Variants in ZFHX3 observed in about 807,000 individuals in gnomAD.
ZFHX3 encodes zinc finger homeobox protein 3.
ZFHX3 carries 42 observed loss-of-function variants against 279.1 expected under a neutral mutation model. The ratio of observed to expected loss-of-function variants is 0.15; its 90% confidence interval spans 0.12 to 0.19. The LOEUF (loss-of-function observed/expected upper bound fraction) is 0.19. Ranked by LOEUF, ZFHX3 falls within the 10% of genes least tolerant of loss-of-function variation. The probability of loss-of-function intolerance (pLI) is 1.00; values close to 1 mark genes in which losing one functional copy is unlikely to be tolerated. For synonymous variants in ZFHX3, 2,293 were observed against 1,957.8 expected, an observed-to-expected ratio of 1.17 and a Z score of -4.52; for missense variants, 4,981 against 4,754.0, an observed-to-expected ratio of 1.05 and a Z score of -1.40.
chr16:73,171,303 T>C (rs898812670), intron 5 of ZFHX3, among the ~76,000 whole-genome samples: 1 of 152,124 alleles, frequency 6.6e-6, no homozygotes, highest in African/African-American at 2.4e-5. Flanking sequence ...ACTGGGCTGT[T>C]CCGGGGAAAT....
At chr16:72,855,545 A>G (rs1305466535) in intron 4 of ZFHX3, among the ~76,000 whole-genome samples, 1 of 152,280 alleles carries the variant, frequency 6.6e-6, no homozygotes, top group East Asian at 1.9e-4. Flanking sequence ...AAACGGATTC[A>G]TTCTCAGTAT....
chr16:73,494,286 G>C (rs2019100647), intron 2 of ZFHX3, among the ~76,000 whole-genome samples: 1 of 152,160 alleles, frequency 6.6e-6, no homozygotes, highest in Non-Finnish European at 1.5e-5. Flanking sequence ...AATGGCTGCA[G>C]GAAAGAGGGG....
intron 5 of ZFHX3, among the ~76,000 whole-genome samples, chr16:73,214,222 G>A (rs2012117702): frequency 6.6e-6 from 1 of 152,118 alleles, no homozygotes; most frequent in Admixed American, 6.6e-5. Context: ...AAGAGTCAAA[G>A]TCGGGATGAA....
At chr16:73,623,662 A>AT (rs1334543817) in intron 2 of ZFHX3, among the ~76,000 whole-genome samples, 2 of 152,134 alleles carry the variant, frequency 1.3e-5, no homozygotes, top group Non-Finnish European at 2.9e-5. Context: ...ATCGTGAAAT[A>AT]TTTTTTTAAA....
chr16:73,516,812 C>G (rs776052696), intron 2 of ZFHX3, among the ~76,000 whole-genome samples: 1 of 152,176 alleles, frequency 6.6e-6, no homozygotes, highest in Non-Finnish European at 1.5e-5. Context: ...AGAGTATGTG[C>G]TGAATAGTTT....
chr16:72,889,059 G>A (rs2038701475), intron 4 of ZFHX3, among the ~76,000 whole-genome samples: 1 of 150,810 alleles, frequency 6.6e-6, no homozygotes, highest in Non-Finnish European at 1.5e-5. Flanking sequence ...AGTCATGGGT[G>A]GAGGGAGGGA....
At chr16:73,746,639 T>A (rs1322003731) in intron 1 of ZFHX3, among the ~76,000 whole-genome samples, 1 of 152,186 alleles carries the variant, frequency 6.6e-6, no homozygotes, top group African/African-American at 2.4e-5. Flanking sequence ...TCTTAAAATA[T>A]CAAAACAATG....
intron 6 of ZFHX3, among the ~76,000 whole-genome samples, chr16:73,142,304 A>G (rs1429556737): frequency 6.6e-6 from 1 of 152,222 alleles, no homozygotes; most frequent in Non-Finnish European, 1.5e-5. Context: ...CCTCTGAGCC[A>G]TCAGCACTGG....
chr16:72,843,368 G>A (rs1341601399), intron 4 of ZFHX3, among the ~76,000 whole-genome samples: 8 of 151,964 alleles, frequency 5.3e-5, no homozygotes, highest in South Asian at 2.1e-4. Flanking sequence ...AAAATTAGCC[G>A]GGCGTGGTGG....
intron 7 of ZFHX3, among the ~76,000 whole-genome samples, chr16:73,119,823 C>T (rs954202958): frequency 3.3e-5 from 5 of 152,170 alleles, no homozygotes; most frequent in African/African-American, 9.7e-5. Flanking sequence ...GGACTACAGG[C>T]GTGCAACACC....
intron 1 of ZFHX3, among the ~76,000 whole-genome samples, chr16:73,759,224 C>G (rs1207550537): frequency 3.3e-5 from 5 of 152,306 alleles, no homozygotes; most frequent in African/African-American, 1.2e-4. Flanking sequence ...ATCCTTCTCT[C>G]TTGATGCTTT....
At chr16:73,677,749 G>T (rs1409463120) in intron 2 of ZFHX3, among the ~76,000 whole-genome samples, 1 of 151,884 alleles carries the variant, frequency 6.6e-6, no homozygotes, top group Non-Finnish European at 1.5e-5. Context: ...AATTAATCTT[G>T]AAAGAAAATT....
chr16:73,705,343 G>T (rs969372064), intron 1 of ZFHX3, among the ~76,000 whole-genome samples: 1 of 152,118 alleles, frequency 6.6e-6, no homozygotes, highest in Non-Finnish European at 1.5e-5. Context: ...CAATGCGGGG[G>T]TTCAATCCCT....
chr16:73,492,469 C>T (rs1048862953), intron 2 of ZFHX3, among the ~76,000 whole-genome samples: 2 of 152,224 alleles, frequency 1.3e-5, no homozygotes, highest in East Asian at 3.9e-4. Flanking sequence ...CCTGATCCAA[C>T]TTCCACATTG....
At chr16:73,633,802 G>T (rs944711074) in intron 2 of ZFHX3, among the ~76,000 whole-genome samples, 2 of 152,018 alleles carry the variant, frequency 1.3e-5, no homozygotes, top group Non-Finnish European at 2.9e-5. Context: ...GGAGGCTGAG[G>T]TGAGAGAATC....
At chr16:73,584,729 A>G (rs1264836538) in intron 2 of ZFHX3, among the ~76,000 whole-genome samples, 1 of 152,232 alleles carries the variant, frequency 6.6e-6, no homozygotes, top group East Asian at 1.9e-4. Context: ...AAAAGCAAAA[A>G]TTGACAAATG....
intron 5 of ZFHX3, among the ~76,000 whole-genome samples, chr16:73,191,342 G>T (rs1362214530): frequency 1.3e-5 from 2 of 152,158 alleles, no homozygotes; most frequent in Non-Finnish European, 2.9e-5. Flanking sequence ...GGGCAAGGAG[G>T]CGGTGATGAT....
Position 73,433,459 on chromosome 16 carries a change from A to G in ZFHX3, c.-1291+22544T>C, listed in dbSNP as rs79762149. On this transcript the variant is annotated intron_variant, in intron 3 of 17. Transcript: ENST00000641206. ...CACCCCCTCCTCAGCAAGGCGCCCA[A>G]TGAGGCAGACCAGATGACATTTCCT... Among the ~76,000 whole-genome samples the G allele has an allele frequency of 1.0e-3, 156 of 152,258 alleles. No homozygotes were observed. In the East Asian group the frequency reaches 0.027, roughly 26 times the overall value.
At chr16:73,639,978 T>C (rs573329328) in intron 2 of ZFHX3, among the ~76,000 whole-genome samples, 3 of 152,244 alleles carry the variant, frequency 2.0e-5, no homozygotes, top group Admixed American at 6.5e-5. Context: ...AGGCTAAAAA[T>C]TGGAGGATTG....
Sources: allele counts gnomAD v4.1 joint callset (sites outside exome capture counted in the v4.1 genomes callset), GRCh38; gene constraint gnomAD v4.1.1; transcripts MANE v1.5; gene names NCBI Gene and HGNC (gene_info 2026-07-23, HGNC 2026-07-21).